Variants in TNIK observed in about 807,000 individuals in gnomAD.
TNIK encodes TRAF2 and NCK-interacting protein kinase.
TNIK carries 49 observed loss-of-function variants against 191.3 expected under a neutral mutation model. The observed-to-expected ratio is 0.26, with a 90% confidence interval of 0.20 to 0.32. The LOEUF (loss-of-function observed/expected upper bound fraction) is 0.32, where lower values mean the gene tolerates loss of function less well. TNIK is among the 10% of genes least tolerant of loss of function. The probability of loss-of-function intolerance (pLI) is 1.00; values close to 1 mark genes in which losing one functional copy is unlikely to be tolerated. For missense variants in TNIK, 1,155 were observed against 1,702.3 expected, an observed-to-expected ratio of 0.68 and a Z score of 5.66; for synonymous variants, 594 against 600.9, an observed-to-expected ratio of 0.99 and a Z score of 0.17.
intron 2 of TNIK, among the ~76,000 whole-genome samples, chr3:171,312,139 AAAG>A (rs1241533617): frequency 8.5e-6 from 1 of 118,212 alleles, no homozygotes; most frequent in Non-Finnish European, 1.8e-5. Flanking sequence ...AAAAAAAAAA[AAAG>A]GGCTAGACTG....
chr3:171,122,486 G>C (rs892508743), intron 18 of TNIK, among the ~76,000 whole-genome samples: 1 of 152,204 alleles, frequency 6.6e-6, no homozygotes, highest in African/African-American at 2.4e-5. Flanking sequence ...AGAGCCTCTT[G>C]CAATTGGTAA....
intron 18 of TNIK, among the ~76,000 whole-genome samples, chr3:171,118,244 C>A (rs1374389215): frequency 6.6e-6 from 1 of 152,090 alleles, no homozygotes; most frequent in African/African-American, 2.4e-5. Context: ...ACGTGAAGGA[C>A]CTCTTCAAGG....
At chr3:171,289,727 C>G (rs1051015819) in intron 2 of TNIK, among the ~76,000 whole-genome samples, 1 of 151,930 alleles carries the variant, frequency 6.6e-6, no homozygotes, top group African/African-American at 2.4e-5. Flanking sequence ...CATGGCAAAA[C>G]CCCGTCTCTA....
In TNIK at chr3:171,167,087, C is replaced by T. The variant is rs372170027; in HGVS notation, c.949+8G>A. 5.2e-5 allele frequency: 83 copies of T among 1,607,362 alleles called. No homozygotes were observed. The highest frequency in any genetic ancestry group is 3.3e-4 in the East Asian group (15 of 44,788). On this transcript the variant is annotated splice_region_variant and intron_variant, in intron 10 of 32. Transcript: ENST00000436636. ...TTTCTGCTGCTGAAATACAAATGTG[C>T]GTCTAACCTTTTTCTCCTCGCTTCT...
chr3:171,075,314 C>T (rs1408059477), intron 28 of TNIK, among the ~76,000 whole-genome samples: 1 of 152,198 alleles, frequency 6.6e-6, no homozygotes, highest in Non-Finnish European at 1.5e-5. Context: ...TCAAAGAAAG[C>T]AGCTCACTAT....
At chr3:171,343,556 G>A (rs987360074) in intron 2 of TNIK, among the ~76,000 whole-genome samples, 1 of 152,126 alleles carries the variant, frequency 6.6e-6, no homozygotes, top group Non-Finnish European at 1.5e-5. Context: ...CACAGCACCT[G>A]CTTGCAATTC....
intron 1 of TNIK, among the ~76,000 whole-genome samples, chr3:171,450,342 G>A (rs1345639237): frequency 2.6e-5 from 4 of 152,176 alleles, no homozygotes; most frequent in Non-Finnish European, 4.4e-5. Flanking sequence ...AGTGTGTTCC[G>A]TACATACAAG....
intron 2 of TNIK, among the ~76,000 whole-genome samples, chr3:171,349,955 C>A (rs1286734038): frequency 6.6e-6 from 1 of 152,058 alleles, no homozygotes; most frequent in East Asian, 1.9e-4. Flanking sequence ...TTTTTAGTGG[C>A]CAATGAAATC....
At chr3:171,116,562 C>A (rs1304296469) in intron 18 of TNIK, among the ~76,000 whole-genome samples, 2 of 152,174 alleles carry the variant, frequency 1.3e-5, no homozygotes, top group African/African-American at 4.8e-5. Context: ...AATTAACTGG[C>A]CAACTGCCAA....
intron 1 of TNIK, among the ~76,000 whole-genome samples, chr3:171,457,686 C>T (rs1728936483): frequency 6.6e-6 from 1 of 152,204 alleles, no homozygotes; most frequent in Non-Finnish European, 1.5e-5. Flanking sequence ...GTCAAAGACC[C>T]TGGCCCTCCA....
chr3:171,226,895 G>A, intron 3 of TNIK, among the ~76,000 whole-genome samples: 1 of 152,034 alleles, frequency 6.6e-6, no homozygotes, highest in African/African-American at 2.4e-5. Flanking sequence ...AGCCCAAAAG[G>A]TATGGGTTGA....
intron 12 of TNIK, among the ~76,000 whole-genome samples, chr3:171,145,089 T>TC (rs34097012): frequency 9.8e-4 from 46 of 47,078 alleles, no homozygotes; most frequent in South Asian, 1.2e-3. Flanking sequence ...TATCTCTCTC[T>TC]TTTTTTTTTT....
At position 171,197,503 on chromosome 3, in the gene TNIK, A is replaced by G. The variant is rs1738856137; in HGVS notation, c.307-2868T>C. Among the ~76,000 whole-genome samples, 3 of 152,226 alleles carry G rather than the reference A, an allele frequency of 2.0e-5. No homozygotes were observed. The South Asian group carries it at 6.2e-4, about 32-fold the overall frequency. ...TGGGAAAAGTATTTGCAAATCATATATCTGATAAAGGTCTACTATCCAGAA... is the reference window on the plus strand; with the variant it reads ...TGGGAAAAGTATTTGCAAATCATATGTCTGATAAAGGTCTACTATCCAGAA... On this transcript the variant is annotated intron_variant, in intron 4 of 32. Transcript: ENST00000436636.
chr3:171,081,985 C>T (rs1303269675), intron 27 of TNIK, among the ~76,000 whole-genome samples: 1 of 152,162 alleles, frequency 6.6e-6, no homozygotes, highest in East Asian at 1.9e-4. Context: ...CTTGCTGAGT[C>T]CTGACAGAGG....
chr3:171,459,944 C>A, intron 1 of TNIK, 63 bp downstream of exon 1: 2 of 1,501,706 alleles, frequency 1.3e-6, no homozygotes, highest in Non-Finnish European at 1.8e-6. Flanking sequence ...CCCCAGTCCA[C>A]GCACCGAGCC....
chr3:171,207,960 C>A (rs1168162197), intron 4 of TNIK, among the ~76,000 whole-genome samples: 1 of 152,150 alleles, frequency 6.6e-6, no homozygotes, highest in Non-Finnish European at 1.5e-5. Context: ...AGCAGACAGT[C>A]TTTTATGAGG....
chr3:171,284,856 T>G (rs1750845859), intron 2 of TNIK, among the ~76,000 whole-genome samples: 1 of 152,158 alleles, frequency 6.6e-6, no homozygotes, highest in African/African-American at 2.4e-5. Context: ...TCCTGTAGAT[T>G]ACTAAAGCAG....
At chr3:171,390,516 AG>A (rs1402228856) in intron 1 of TNIK, among the ~76,000 whole-genome samples, 1 of 152,226 alleles carries the variant, frequency 6.6e-6, no homozygotes, top group African/African-American at 2.4e-5. Context: ...GCCTATGAAA[AG>A]CCCCTATTTC....
chr3:171,357,246 C>T (rs900181208), intron 2 of TNIK, among the ~76,000 whole-genome samples: 1 of 151,892 alleles, frequency 6.6e-6, no homozygotes, highest in Non-Finnish European at 1.5e-5. Flanking sequence ...TGAAGCAAAC[C>T]TAAACATATC....
Sources: allele counts gnomAD v4.1 joint callset (sites outside exome capture counted in the v4.1 genomes callset), GRCh38; gene constraint gnomAD v4.1.1; transcripts MANE v1.5; gene names NCBI Gene and HGNC (gene_info 2026-07-23, HGNC 2026-07-21).